LIX1: variants seen among roughly 807,000 people sequenced by gnomAD.
LIX1 encodes protein limb expression 1 homolog.
Under a neutral mutation model 33.4 loss-of-function variants are expected in LIX1, and 24 were observed. The observed-to-expected ratio is 0.72, with a 90% CI of 0.52 to 1.01. The LOEUF is 1.01. Among genes scored for constraint, LIX1 ranks in the 50% least tolerant of loss-of-function variants. LIX1 has a pLI of 0.00. For missense variants in LIX1, 311 were observed against 339.2 expected (o/e 0.92, Z 0.65); for synonymous variants, 124 against 124.0 (o/e 1.00, Z 0.00).
chr5:97,122,745 C>T lies in LIX1; in HGVS notation c.246+1721G>A, dbSNP rs550299686. Among the ~76,000 whole-genome samples the T allele has an allele frequency of 1.6e-3, 236 of 152,256 alleles. 2 individuals are homozygous for T. In the South Asian group the frequency reaches 0.018, roughly 12 times the overall value. Reference sequence around the variant, plus strand: ...AGAACATGTTTTGTCTCCAACTCCCCGCTGGACAATAGGCAATGTGGTCCT... The same window carrying T: ...AGAACATGTTTTGTCTCCAACTCCCTGCTGGACAATAGGCAATGTGGTCCT... On this transcript the variant is annotated intron_variant, in intron 2 of 5. Coordinates refer to ENST00000274382, the MANE Select transcript of LIX1 (RefSeq NM_153234.5).
Position 97,127,794 on chromosome 5 carries a change from G to A in LIX1, c.83-3165C>T, listed in dbSNP as rs118042688. 3.4e-3 allele frequency among the ~76,000 whole-genome samples: 520 copies of A among 152,282 alleles called. 12 individuals carry two copies. Among genetic ancestry groups the A allele is most frequent in the Admixed American group, 0.03 (454 of 15,296 alleles). The stretch of plus-strand genomic sequence containing the variant: ...CCTTCAGTGCCCAGCCAATGATCCT[G>A]CCTTCCATGTTACAGAATAAACTTG... On this transcript the variant is annotated intron_variant, in intron 1 of 5. Transcript: ENST00000274382.
At chr5:97,130,467 C>T (rs774295451) in intron 1 of LIX1, among the ~76,000 whole-genome samples, 6 of 152,270 alleles carry the variant, frequency 3.9e-5, no homozygotes, top group East Asian at 1.9e-4. Context: ...ATCTAGACAC[C>T]GGACACAGGA....
chr5:97,121,928 C>G (rs938613333), intron 2 of LIX1, among the ~76,000 whole-genome samples: 1 of 152,160 alleles, frequency 6.6e-6, no homozygotes, highest in Non-Finnish European at 1.5e-5. Context: ...GGTGTATTGA[C>G]AGGCAGACTT....
Position 97,094,511 on chromosome 5 carries a change from A to G in LIX1, c.*237T>C, listed in dbSNP as rs1462508626. 6.1e-6 allele frequency: 3 copies of G among 494,932 alleles called. No individual in the cohort carries two copies. The highest frequency in any genetic ancestry group is 1.9e-5 in the African/African-American group (1 of 51,938). The allele number at this position is 494,932 out of a possible 1,614,324, so 30.7% of individuals were successfully genotyped here. On this transcript the variant is annotated 3_prime_UTR_variant, in exon 6 of 6. Coordinates refer to ENST00000274382, the MANE Select transcript of LIX1 (RefSeq NM_153234.5). ...ATGTTTTTCAAACAATTTTGTGTCT[A>G]TCCTTTCATCCTGAGCTGGAACTAT...
At chr5:97,119,246 T>A (rs1206716183) in intron 2 of LIX1, among the ~76,000 whole-genome samples, 1 of 152,196 alleles carries the variant, frequency 6.6e-6, no homozygotes, top group Non-Finnish European at 1.5e-5. Flanking sequence ...TTTCAGCACA[T>A]GGTCTTGGCA....
chr5:97,133,941 C>T (rs1356366110), intron 1 of LIX1, among the ~76,000 whole-genome samples: 3 of 151,852 alleles, frequency 2.0e-5, no homozygotes, highest in Non-Finnish European at 4.4e-5. Flanking sequence ...AGTCATTTGT[C>T]CACAAAAAGG....
intron 2 of LIX1, among the ~76,000 whole-genome samples, chr5:97,121,959 T>C (rs1411760556): frequency 1.3e-5 from 2 of 152,196 alleles, no homozygotes; most frequent in Non-Finnish European, 2.9e-5. Context: ...TGCTCAATAA[T>C]GGACCTGCAG....
chr5:97,096,248 T>C (rs190649570), intron 5 of LIX1, among the ~76,000 whole-genome samples: 2 of 152,238 alleles, frequency 1.3e-5, no homozygotes, highest in Admixed American at 6.5e-5. Flanking sequence ...TTCTCATAAA[T>C]AACAAAGAAA....
In LIX1 at chr5:97,092,469, T is replaced by G. The variant is rs958009123; in HGVS notation, c.*2279A>C. The G allele has an allele frequency of 4.6e-5, 7 of 152,502 alleles. No homozygotes were observed. The highest frequency in any genetic ancestry group is 7.3e-5 in the Non-Finnish European group (5 of 68,038). The allele number at this position is 152,502 out of a possible 1,614,324, so 9.4% of individuals were successfully genotyped here. On this transcript the variant is annotated 3_prime_UTR_variant, in exon 6 of 6. Transcript: ENST00000274382. Reference sequence around the variant, plus strand: ...AGTTAAAGATGTTTATATGATAGACTGACAGCCCTTATGTCTCAGCTGAAA... The same window carrying G: ...AGTTAAAGATGTTTATATGATAGACGGACAGCCCTTATGTCTCAGCTGAAA...
At chr5:97,098,030 C>CGGA (rs968340295) in intron 4 of LIX1, among the ~76,000 whole-genome samples, 5 of 152,196 alleles carry the variant, frequency 3.3e-5, no homozygotes, top group African/African-American at 1.2e-4. Context: ...CTCAGCTCAT[C>CGGA]GGAACGCTCA....
intron 1 of LIX1, among the ~76,000 whole-genome samples, chr5:97,133,946 A>G (rs1748118702): frequency 6.6e-6 from 1 of 152,234 alleles, no homozygotes; most frequent in South Asian, 2.1e-4. Flanking sequence ...TTTGTCCACA[A>G]AAAGGGATCT....
At chr5:97,120,232 A>G (rs2112784136) in intron 2 of LIX1, among the ~76,000 whole-genome samples, 1 of 152,272 alleles carries the variant, frequency 6.6e-6, no homozygotes, top group South Asian at 2.1e-4. Context: ...TTAGCTGACT[A>G]TTGGTTACAT....
At position 97,093,887 on chromosome 5, in the gene LIX1, A is replaced by G. The variant is rs1023042975; in HGVS notation, c.*861T>C. 3 of 152,328 alleles carry G rather than the reference A, an allele frequency of 2.0e-5. No individual in the cohort carries two copies. The highest frequency in any genetic ancestry group is 7.2e-5 in the African/African-American group (3 of 41,440). 9.4% of individuals were successfully genotyped at this position (152,328 alleles called of 1,614,324 possible). ...TTTGTTACATGCTAATAATTTTTCA[A>G]AATGTTTTAACCTTTAAAATGCCAT... On this transcript the variant is annotated 3_prime_UTR_variant, in exon 6 of 6. Coordinates refer to ENST00000274382, the MANE Select transcript of LIX1 (RefSeq NM_153234.5).
In LIX1 at chr5:97,132,245, C is replaced by T. The variant is rs780462084; in HGVS notation, c.83-7616G>A. ...TCTCTGCCCACGGAGATTTACAATC[C>T]GACTGGGGAAATAATATATTCATCA... On this transcript the variant is annotated intron_variant, in intron 1 of 5. Coordinates refer to ENST00000274382, the MANE Select transcript of LIX1 (RefSeq NM_153234.5). Among the ~76,000 whole-genome samples, 9 of 152,070 alleles carry T rather than the reference C, an allele frequency of 5.9e-5. No individual in the cohort carries two copies. The South Asian group carries it at 1.2e-3, about 21-fold the overall frequency.
intron 1 of LIX1, among the ~76,000 whole-genome samples, chr5:97,136,126 T>A (rs1244450165): frequency 6.6e-6 from 1 of 152,188 alleles, no homozygotes; most frequent in East Asian, 1.9e-4. Flanking sequence ...GGGGTAGATC[T>A]AATGGATGAA....
rs541225398 is a variant in LIX1, at chr5:97,104,482, T to C, written c.483+708A>G. On this transcript the variant is annotated intron_variant, in intron 4 of 5. Coordinates refer to ENST00000274382, the MANE Select transcript of LIX1 (RefSeq NM_153234.5). ...GATCAGACTGCCTGACCCTGAACCC[T>C]AGCTTCAATGATAACATGAGGATAA... Among the ~76,000 whole-genome samples the C allele has an allele frequency of 2.2e-4, 34 of 152,304 alleles. No individual in the cohort carries two copies. The East Asian group carries it at 6.5e-3, about 29-fold the overall frequency.
chr5:97,107,799 T>C (rs1381661541), intron 2 of LIX1, among the ~76,000 whole-genome samples: 1 of 152,236 alleles, frequency 6.6e-6, no homozygotes, highest in Admixed American at 6.5e-5. Flanking sequence ...TAATAATGGC[T>C]ATTATTGTGT....
At chr5:97,105,127 T>C in intron 4 of LIX1, 63 bp downstream of exon 4, 4 of 1,393,020 alleles carry the variant, frequency 2.9e-6, no homozygotes, top group Non-Finnish European at 4.1e-6. Context: ...GTGATAAATG[T>C]TGCATTTCTC....
chr5:97,122,078 G>A (rs1747798584), intron 2 of LIX1, among the ~76,000 whole-genome samples: 1 of 152,106 alleles, frequency 6.6e-6, no homozygotes, highest in Admixed American at 6.6e-5. Context: ...CTGTTCTGAG[G>A]CTTCTATACC....
Sources: gnomAD v4.1 joint callset for allele counts (sites outside exome capture counted in the v4.1 genomes callset) on GRCh38, gnomAD v4.1.1 for gene constraint, MANE v1.5 for transcripts, NCBI Gene and HGNC (gene_info 2026-07-23, HGNC 2026-07-21) for gene names.